EEF1AKMT2: variants seen among roughly 807,000 people sequenced by gnomAD.
The protein encoded by EEF1AKMT2 is eukaryotic translation elongation factor 1 alpha lysine methyltransferase 2.
A neutral mutation model predicts 35.8 loss-of-function variants in EEF1AKMT2; 32 were observed. The ratio of observed to expected loss-of-function variants is 0.89; its 90% confidence interval spans 0.67 to 1.20. EEF1AKMT2 has a LOEUF of 1.20. Among genes scored for constraint, EEF1AKMT2 ranks in the 50% most tolerant of loss-of-function variants. The pLI is 0.00. For synonymous variants in EEF1AKMT2, 121 were observed against 133.7 expected (o/e 0.91, Z 0.65); for missense variants, 330 against 347.5 (o/e 0.95, Z 0.40).
At chr10:124,764,851 T>C (rs1480199057) in intron 5 of EEF1AKMT2, among the ~76,000 whole-genome samples, 2 of 152,224 alleles carry the variant, frequency 1.3e-5, no homozygotes, top group Non-Finnish European at 2.9e-5. Context: ...CTATAAATAA[T>C]AGATTATATA....
intron 2 of EEF1AKMT2, among the ~76,000 whole-genome samples, chr10:124,789,504 T>C (rs1369416017): frequency 6.6e-6 from 1 of 152,136 alleles, no homozygotes; most frequent in Non-Finnish European, 1.5e-5. Flanking sequence ...ACACCCATTC[T>C]CCCAACACTT....
intron 4 of EEF1AKMT2, among the ~76,000 whole-genome samples, chr10:124,773,806 GAC>G (rs2134130310): frequency 6.6e-6 from 1 of 152,228 alleles, no homozygotes; most frequent in East Asian, 1.9e-4. Flanking sequence ...ACCAAAATGT[GAC>G]ACACAGATAC....
At chr10:124,774,396 A>AG (rs1950469680) in intron 4 of EEF1AKMT2, among the ~76,000 whole-genome samples, 1 of 148,480 alleles carries the variant, frequency 6.7e-6, no homozygotes, top group African/African-American at 2.5e-5. Flanking sequence ...AAAAAAAAAA[A>AG]AAAAAAAAAA....
chr10:124,785,700 C>T lies in EEF1AKMT2; in HGVS notation c.291+3343G>A, dbSNP rs192438388. On this transcript the variant is annotated intron_variant, in intron 3 of 6. Coordinates refer to ENST00000368836, the MANE Select transcript of EEF1AKMT2 (RefSeq NM_212554.4). ...CCTGAGGTCAGGAGTTCGAGACCAG[C>T]CTAGCCAACATGGTGAAACGCTATG... Among the ~76,000 whole-genome samples the T allele has an allele frequency of 9.9e-5, 15 of 151,864 alleles. No homozygotes were observed. In the East Asian group the frequency reaches 2.9e-3, roughly 29 times the overall value.
At position 124,775,005 on chromosome 10, in the gene EEF1AKMT2, T is replaced by C. The variant is rs187481217; in HGVS notation, c.292-223A>G. ...GTTTTCATAATATTTTATCTCTTTTTCAAAAGGAAATTCATGTTCTCAAAA... is the reference window on the plus strand; with the variant it reads ...GTTTTCATAATATTTTATCTCTTTTCCAAAAGGAAATTCATGTTCTCAAAA... On this transcript the variant is annotated intron_variant, in intron 3 of 6. Coordinates refer to ENST00000368836, the MANE Select transcript of EEF1AKMT2 (RefSeq NM_212554.4). The C allele has an allele frequency of 1.6e-3, 327 of 201,300 alleles. 6 individuals carry two copies. The East Asian group carries it at 0.022, about 13-fold the overall frequency. The allele number at this position is 201,300 out of a possible 1,614,324, so 12.5% of individuals were successfully genotyped here. A position where few individuals can be genotyped will look rare whatever the true frequency, so the allele number is the denominator to read the frequency against.
At position 124,764,316 on chromosome 10, in the gene EEF1AKMT2, A is replaced by C. The variant is rs527465225; in HGVS notation, c.616+1076T>G. On this transcript the variant is annotated intron_variant, in intron 5 of 6. Coordinates refer to ENST00000368836, the MANE Select transcript of EEF1AKMT2 (RefSeq NM_212554.4). The stretch of plus-strand genomic sequence containing the variant: ...AAAGTGCAGGATCAAAAAAAAAAAA[A>C]AAACAAACTAATCTGAAAAGGATTC... Among the ~76,000 whole-genome samples, 315 of 152,152 alleles carry C rather than the reference A, an allele frequency of 2.1e-3. 1 individual carries two copies. The highest frequency in any genetic ancestry group is 6.4e-3 in the African/African-American group (264 of 41,528).
intron 4 of EEF1AKMT2, among the ~76,000 whole-genome samples, chr10:124,769,034 G>C (rs936903497): frequency 3.3e-5 from 5 of 150,096 alleles, no homozygotes; most frequent in Non-Finnish European, 7.4e-5. Flanking sequence ...TTCAAGACTA[G>C]CCTGGGCAAC....
intron 3 of EEF1AKMT2, among the ~76,000 whole-genome samples, chr10:124,780,715 C>T (rs1287724617): frequency 6.6e-6 from 1 of 150,432 alleles, no homozygotes; most frequent in Non-Finnish European, 1.5e-5. Context: ...CTAGAAATAT[C>T]GCAAATCTGG....
chr10:124,764,098 T>C (rs1172735485), intron 5 of EEF1AKMT2, among the ~76,000 whole-genome samples: 4 of 152,084 alleles, frequency 2.6e-5, no homozygotes, highest in Non-Finnish European at 4.4e-5. Flanking sequence ...GTTCCCTTAA[T>C]ACTAAAAAGA....
At chr10:124,790,228 A>G (rs1950622617) in intron 2 of EEF1AKMT2, 45 bp downstream of exon 2, 2 of 1,392,596 alleles carry the variant, frequency 1.4e-6, no homozygotes, top group African/African-American at 1.4e-5. Flanking sequence ...ACACACATAT[A>G]CATATAATCT....
At chr10:124,777,285 A>AC (rs1310434051) in intron 3 of EEF1AKMT2, among the ~76,000 whole-genome samples, 37 of 152,080 alleles carry the variant, frequency 2.4e-4, no homozygotes, top group Middle Eastern at 3.4e-3. Flanking sequence ...GACTCAAAAA[A>AC]AAAAAAAAAA....
At chr10:124,778,708 G>A (rs1473780848) in intron 3 of EEF1AKMT2, among the ~76,000 whole-genome samples, 3 of 143,318 alleles carry the variant, frequency 2.1e-5, no homozygotes, top group Non-Finnish European at 3.0e-5. Context: ...GGGTGACGGC[G>A]TGAGACTCCG....
chr10:124,768,470 C>G (rs891145059), intron 4 of EEF1AKMT2, among the ~76,000 whole-genome samples: 1 of 152,198 alleles, frequency 6.6e-6, no homozygotes, highest in South Asian at 2.1e-4. Context: ...TTAGGCCGGG[C>G]GCAGTGACTC....
At position 124,758,404 on chromosome 10, in the gene EEF1AKMT2, G is replaced by A. The variant is rs1950303544; in HGVS notation, c.*2099C>T. ...ATTAGCATTTTTGGACCTTCCATTT[G>A]TTCTGGTTTTAGTCCCTAAGAAGCT... is the stretch of plus-strand genomic sequence containing the variant. On this transcript the variant is annotated 3_prime_UTR_variant, in exon 7 of 7. Transcript: ENST00000368836. The A allele has an allele frequency of 1.3e-5, 2 of 151,002 alleles. No individual in the cohort carries two copies. The highest frequency in any genetic ancestry group is 4.9e-5 in the African/African-American group (2 of 40,988). The allele number at this position is 151,002 out of a possible 1,614,324, so 9.4% of individuals were successfully genotyped here. A position where few individuals can be genotyped will look rare whatever the true frequency, so the allele number is the denominator to read the frequency against.
At chr10:124,762,877 T>C (rs1324912918) in intron 5 of EEF1AKMT2, among the ~76,000 whole-genome samples, 1 of 152,168 alleles carries the variant, frequency 6.6e-6, no homozygotes, top group Admixed American at 6.5e-5. Flanking sequence ...TATTTAATAA[T>C]AAAAATTTTC....
Position 124,790,314 on chromosome 10 carries a change from T to G in EEF1AKMT2, c.135A>C (p.Glu45Asp), listed in dbSNP as rs1191229501. The change falls in exon 2 of 7, where the codon GAA becomes GAC. Residue 45 changes from glutamate to aspartate, a missense_variant. Coordinates refer to ENST00000368836, the MANE Select transcript of EEF1AKMT2 (RefSeq NM_212554.4). ...CTCCATATTCTCGGAAAGTTTGCAG[T>G]TCTCTCTCATAGACAGCATCCCAAC... ...REHWDAVYER[E>D]LQTFREYGDT... The G allele has an allele frequency of 1.9e-6, 3 of 1,612,596 alleles. No individual in the cohort carries two copies. Among genetic ancestry groups the G allele is most frequent in the Non-Finnish European group, 1.7e-6 (2 of 1,178,758 alleles).
At chr10:124,777,851 A>G (rs1413160704) in intron 3 of EEF1AKMT2, among the ~76,000 whole-genome samples, 1 of 152,078 alleles carries the variant, frequency 6.6e-6, no homozygotes, top group East Asian at 1.9e-4. Context: ...ATCTGTACAT[A>G]GAAAGGGTAA....
chr10:124,784,924 C>T (rs565846116), intron 3 of EEF1AKMT2, among the ~76,000 whole-genome samples: 1 of 119,818 alleles, frequency 8.3e-6, no homozygotes, highest in East Asian at 2.4e-4. Context: ...GAGCAAGATT[C>T]CATCTTAAAA....
intron 3 of EEF1AKMT2, among the ~76,000 whole-genome samples, chr10:124,787,160 GC>G (rs11292236): frequency 1 from 152,112 of 152,112 alleles, 76,056 homozygotes; most frequent in Non-Finnish European, 1. Flanking sequence ...GTTAGCCAAG[GC>G]ATGGTCTCGA....
Sources: allele counts gnomAD v4.1 joint callset (sites outside exome capture counted in the v4.1 genomes callset), GRCh38; gene constraint gnomAD v4.1.1; transcripts MANE v1.5; gene names NCBI Gene and HGNC (gene_info 2026-07-23, HGNC 2026-07-21).